Variants in PARD3B observed in about 807,000 individuals in gnomAD.
PARD3B encodes par-3 family cell polarity regulator beta.
A neutral mutation model predicts 130.2 loss-of-function variants in PARD3B; 103 were observed. That is an observed-to-expected ratio of 0.79 (90% CI 0.67 to 0.93). The LOEUF (loss-of-function observed/expected upper bound fraction) is 0.93, where lower values mean the gene tolerates loss of function less well. Ranked by LOEUF, PARD3B falls within the 40% of genes least tolerant of loss-of-function variation. The probability of loss-of-function intolerance (pLI) is 0.00; values close to 1 mark genes in which losing one functional copy is unlikely to be tolerated. For missense variants in PARD3B, 1,609 were observed against 1,499.2 expected (o/e 1.07, Z -1.21); for synonymous variants, 583 against 553.2 (o/e 1.05, Z -0.76).
intron 15 of PARD3B, among the ~76,000 whole-genome samples, chr2:205,214,645 T>C (rs2037820545): frequency 6.6e-6 from 1 of 152,106 alleles, no homozygotes; most frequent in African/African-American, 2.4e-5. Flanking sequence ...TATTTAGGTT[T>C]AATCAAAGAG....
At chr2:205,555,294 T>C (rs2052831581) in intron 22 of PARD3B, among the ~76,000 whole-genome samples, 1 of 152,156 alleles carries the variant, frequency 6.6e-6, no homozygotes, top group South Asian at 2.1e-4. Flanking sequence ...TATCTGGTGA[T>C]CACCTAGTAT....
At chr2:205,456,920 T>A (rs1439151956) in intron 20 of PARD3B, among the ~76,000 whole-genome samples, 1 of 150,262 alleles carries the variant, frequency 6.7e-6, no homozygotes, top group Admixed American at 6.7e-5. Context: ...TGAAATAATT[T>A]ATCATAAATT....
At chr2:205,277,959 G>A (rs1009949294) in intron 16 of PARD3B, among the ~76,000 whole-genome samples, 2 of 152,138 alleles carry the variant, frequency 1.3e-5, no homozygotes, top group African/African-American at 4.8e-5. Flanking sequence ...TTGGGGGAAG[G>A]AGAAAGAAAG....
chr2:205,297,703 A>G (rs2041845862), intron 16 of PARD3B, among the ~76,000 whole-genome samples: 1 of 152,158 alleles, frequency 6.6e-6, no homozygotes, highest in Admixed American at 6.6e-5. Context: ...CTACAGCTAC[A>G]TTCTGTGCAT....
chr2:205,569,308 T>C (rs2053477611), intron 22 of PARD3B, among the ~76,000 whole-genome samples: 2 of 152,210 alleles, frequency 1.3e-5, no homozygotes, highest in South Asian at 4.1e-4. Context: ...AAAATTATTT[T>C]AGTTTAACTT....
At chr2:204,741,096 T>A (rs2039989772) in intron 2 of PARD3B, among the ~76,000 whole-genome samples, 1 of 152,198 alleles carries the variant, frequency 6.6e-6, no homozygotes, top group South Asian at 2.1e-4. Context: ...TTAAGAAGCT[T>A]GTAGCATAAT....
At chr2:205,459,595 T>G (rs1208999567) in intron 20 of PARD3B, among the ~76,000 whole-genome samples, 2 of 152,200 alleles carry the variant, frequency 1.3e-5, no homozygotes, top group African/African-American at 4.8e-5. Context: ...TAGCATTACA[T>G]TTTTGCCTGT....
chr2:204,749,420 C>T (rs927952957), intron 2 of PARD3B, among the ~76,000 whole-genome samples: 1 of 152,044 alleles, frequency 6.6e-6, no homozygotes, highest in South Asian at 2.1e-4. Flanking sequence ...TAGGATATCT[C>T]ACAATATTAG....
intron 1 of PARD3B, among the ~76,000 whole-genome samples, chr2:204,633,046 GT>G (rs1574585868): frequency 6.6e-6 from 1 of 152,134 alleles, no homozygotes; most frequent in East Asian, 1.9e-4. Flanking sequence ...GAACATGAGA[GT>G]TTGGATAGTT....
chr2:205,616,008 C>T lies in PARD3B; in HGVS notation c.*195C>T, dbSNP rs1056732815. The T allele has an allele frequency of 5.2e-5, 29 of 561,950 alleles. No individual in the cohort carries two copies. The highest frequency in any genetic ancestry group is 1.7e-4 in the African/African-American group (9 of 52,828). 34.8% of individuals were successfully genotyped at this position (561,950 alleles called of 1,614,324 possible). A position where few individuals can be genotyped will look rare whatever the true frequency, so the allele number is the denominator to read the frequency against. The stretch of plus-strand genomic sequence containing the variant: ...AAGGGAATTGGGGAGGAAAAAAAAT[C>T]AGAAGGAAGACGAAAGATGGGGCTA... On this transcript the variant is annotated 3_prime_UTR_variant, in exon 23 of 23. Coordinates refer to ENST00000406610, the MANE Select transcript of PARD3B (RefSeq NM_001302769.2).
rs115813043 is a variant in PARD3B at position 205,324,541 on chromosome 2, T to C, written c.2630+22840T>C. ...TAGAGTTGCAGGTTAATATATCAAC[T>C]TTCTCTTTAAAATTAGTAATGTTTA... is the stretch of plus-strand genomic sequence containing the variant. On this transcript the variant is annotated intron_variant, in intron 18 of 22. Transcript: ENST00000406610. Among the ~76,000 whole-genome samples the C allele has an allele frequency of 2.6e-3, 399 of 152,326 alleles. 3 individuals carry two copies. Among genetic ancestry groups the C allele is most frequent in the African/African-American group, 9.5e-3 (394 of 41,576 alleles).
In PARD3B at chr2:205,592,333, CA is replaced by C. The variant is rs948845502; in HGVS notation, c.3261-23122del. 5.3e-5 allele frequency among the ~76,000 whole-genome samples: 8 copies of C among 152,150 alleles called. No individual in the cohort carries two copies. The highest frequency in any genetic ancestry group is 1.9e-4 in the African/African-American group (8 of 41,438). ...GGTCATTAGGCAACAAGCAAGATGCCAGTCACTGGGAGAGAAAGGGATGAGG... is the reference window on the plus strand; with the variant it reads ...GGTCATTAGGCAACAAGCAAGATGCCGTCACTGGGAGAGAAAGGGATGAGG... On this transcript the variant is annotated intron_variant, in intron 22 of 22. Transcript: ENST00000406610. This position sits in a 1 kb window ranked among gnomAD's most constrained non-coding sequence, Gnocchi z 4.5.
intron 2 of PARD3B, among the ~76,000 whole-genome samples, chr2:204,693,059 T>C (rs1373808964): frequency 6.6e-6 from 1 of 152,064 alleles, no homozygotes; most frequent in African/African-American, 2.4e-5. Context: ...CTTGTTTTTG[T>C]TGGTTAGTTT....
intron 3 of PARD3B, among the ~76,000 whole-genome samples, chr2:205,008,850 T>C (rs1695487398): frequency 6.6e-6 from 1 of 152,190 alleles, no homozygotes; most frequent in Non-Finnish European, 1.5e-5. Flanking sequence ...CTAAGTGATT[T>C]CCAAGATATT....
In PARD3B at chr2:205,568,627, A is replaced by G. The variant is rs933789543; in HGVS notation, c.3260+15224A>G. ...AGTGTGTGCTGTGGCTTTACCTAGG[A>G]TCGTGGCTATACACACAGGCGAGGT... On this transcript the variant is annotated intron_variant, in intron 22 of 22. Transcript: ENST00000406610. The surrounding 1 kb of genome is among the most constrained non-coding windows in gnomAD (Gnocchi z 5.3). Among the ~76,000 whole-genome samples the G allele has an allele frequency of 6.6e-6, 1 of 152,146 alleles. No individual in the cohort carries two copies. The highest frequency in any genetic ancestry group is 2.4e-5 in the African/African-American group (1 of 41,430).
chr2:204,632,862 TC>T (rs2034733294), intron 1 of PARD3B, among the ~76,000 whole-genome samples: 1 of 152,192 alleles, frequency 6.6e-6, no homozygotes, highest in Non-Finnish European at 1.5e-5. Flanking sequence ...CAATGCAAGT[TC>T]CTGGATATTT....
chr2:205,254,810 G>A (rs1262266218), intron 16 of PARD3B, among the ~76,000 whole-genome samples: 1 of 151,042 alleles, frequency 6.6e-6, no homozygotes, highest in South Asian at 2.1e-4. Context: ...GACTACAGGC[G>A]CCCGCCACCT....
intron 22 of PARD3B, among the ~76,000 whole-genome samples, chr2:205,593,473 T>C (rs2054460996): frequency 6.6e-6 from 1 of 152,238 alleles, no homozygotes; most frequent in Non-Finnish European, 1.5e-5. Context: ...AAATTTTAGT[T>C]CACTAAACCA....
intron 15 of PARD3B, among the ~76,000 whole-genome samples, chr2:205,195,099 G>A (rs1278751247): frequency 6.6e-6 from 1 of 151,734 alleles, no homozygotes; most frequent in Admixed American, 6.6e-5. Context: ...GCATCCAGCC[G>A]TTTTGTTTAC....
Sources: gnomAD v4.1 joint callset for allele counts (sites outside exome capture counted in the v4.1 genomes callset) on GRCh38, gnomAD v4.1.1 for gene constraint, Gnocchi (gnomAD v3.1) non-coding constraint, MANE v1.5 for transcripts, NCBI Gene and HGNC (gene_info 2026-07-23, HGNC 2026-07-21) for gene names.